Variants in SGMS2 observed in about 807,000 individuals in gnomAD.
SGMS2 encodes phosphatidylcholine:ceramide cholinephosphotransferase 2.
In SGMS2, 21 loss-of-function variants were observed where a neutral mutation model predicts 43.8. The ratio of observed to expected loss-of-function variants is 0.48; its 90% confidence interval spans 0.34 to 0.69. The LOEUF (loss-of-function observed/expected upper bound fraction) is 0.69. Among genes scored for constraint, SGMS2 ranks in the 30% least tolerant of loss-of-function variants. The pLI is 0.01. For synonymous variants in SGMS2, 167 were observed against 160.6 expected, an observed-to-expected ratio of 1.04 and a Z score of -0.30; for missense variants, 384 against 443.2, an observed-to-expected ratio of 0.87 and a Z score of 1.20.
rs781752544 is a variant in SGMS2, at chr4:107,908,631, G to T, written c.794G>T (p.Cys265Phe). 6.2e-7 allele frequency: 1 copy of T among 1,614,030 alleles called. No individual in the cohort carries two copies. The highest frequency in any genetic ancestry group is 8.5e-7 in the Non-Finnish European group (1 of 1,179,962). ...CTGCTGAGTGCTGCCGGGATCATCT[G>T]CATTCTTGTAGCACACGAACACTAC... ...CWLLSAAGII[C>F]ILVAHEHYTI... The change falls in exon 6 of 7, where the codon TGC (cysteine) becomes TTC (phenylalanine). Residue 265 changes from cysteine (C) to phenylalanine (F), a missense_variant. Transcript: ENST00000690982.
At position 107,854,720 on chromosome 4, in the gene SGMS2, G is replaced by A. The variant is rs114445344; in HGVS notation, c.-326-3752G>A. 3.8e-3 allele frequency among the ~76,000 whole-genome samples: 577 copies of A among 152,234 alleles called. 6 individuals are homozygous for A. The highest frequency in any genetic ancestry group is 0.013 in the African/African-American group (538 of 41,546). ...GAGATTTCTGGTGCAGTTGTGAGCC[G>A]ATCATCAGAGCTGTATATTTGTATC... On this transcript the variant is annotated intron_variant, in intron 1 of 6. Coordinates refer to ENST00000690982, the MANE Select transcript of SGMS2 (RefSeq NM_001375905.1).
rs74871514 is a variant in SGMS2 at position 107,881,932 on chromosome 4, A to G, written c.-244-13378A>G. Among the ~76,000 whole-genome samples the G allele has an allele frequency of 3.6e-4, 55 of 152,256 alleles. No homozygotes were observed. The East Asian group carries it at 7.5e-3, about 21-fold the overall frequency. ...GTTTTCCAGTTCCATCCATATTGCA[A>G]ATGATGACATCCTATTCTTTTTTAT... On this transcript the variant is annotated intron_variant, in intron 2 of 6. Transcript: ENST00000690982.
At chr4:107,831,623 G>A (rs1725895369) in intron 1 of SGMS2, among the ~76,000 whole-genome samples, 1 of 152,180 alleles carries the variant, frequency 6.6e-6, no homozygotes, top group African/African-American at 2.4e-5. Context: ...GTCCCGTTGT[G>A]TCAAATGGAA....
At chr4:107,862,588 A>G (rs1727803368) in intron 2 of SGMS2, among the ~76,000 whole-genome samples, 1 of 152,156 alleles carries the variant, frequency 6.6e-6, no homozygotes, top group Non-Finnish European at 1.5e-5. Flanking sequence ...TATTTCAGCT[A>G]CAAAGGACCT....
At chr4:107,824,717 G>C (rs1233507248), upstream of SGMS2, 1 of 152,186 alleles carries the variant, frequency 6.6e-6, no homozygotes, top group African/African-American at 2.4e-5. Flanking sequence ...AAGAAGTCGC[G>C]CAGGTTTTTC....
At chr4:107,853,950 C>T (rs529861977) in intron 1 of SGMS2, among the ~76,000 whole-genome samples, 1 of 152,312 alleles carries the variant, frequency 6.6e-6, no homozygotes, top group Admixed American at 6.5e-5. Context: ...TGCTCTCCTT[C>T]CTTGCAGAAT....
chr4:107,912,681 T>C lies in SGMS2; in HGVS notation c.*2128T>C, dbSNP rs1732199925. On this transcript the variant is annotated 3_prime_UTR_variant, in exon 7 of 7. Coordinates refer to ENST00000690982, the MANE Select transcript of SGMS2 (RefSeq NM_001375905.1). ...TTCATCTATTGAATAAGAAAAAGTG[T>C]TTAAACTTAATAAAATAAAAAATTG... 6.6e-6 allele frequency: 1 copy of C among 152,120 alleles called. No individual in the cohort carries two copies. The highest frequency in any genetic ancestry group is 2.4e-5 in the African/African-American group (1 of 41,420). The allele number at this position is 152,120 out of a possible 1,614,324, so 9.4% of individuals were successfully genotyped here. A position where few individuals can be genotyped will look rare whatever the true frequency, so the allele number is the denominator to read the frequency against.
At chr4:107,848,838 C>G (rs1248600072) in intron 1 of SGMS2, among the ~76,000 whole-genome samples, 2 of 152,070 alleles carry the variant, frequency 1.3e-5, no homozygotes, top group African/African-American at 2.4e-5. Context: ...ATACTTTCTC[C>G]TAGTCAATGA....
intron 2 of SGMS2, among the ~76,000 whole-genome samples, chr4:107,875,642 C>A (rs760266731): frequency 8.5e-5 from 13 of 152,124 alleles, no homozygotes; most frequent in Non-Finnish European, 1.3e-4. Flanking sequence ...AAGCCTGCAT[C>A]TGTACCCCTG....
intron 1 of SGMS2, among the ~76,000 whole-genome samples, chr4:107,858,251 A>G (rs1727537190): frequency 6.6e-6 from 1 of 152,116 alleles, no homozygotes; most frequent in African/African-American, 2.4e-5. Context: ...CAGGTGTTAA[A>G]TATTAGTGGA....
At position 107,912,697 on chromosome 4, in the gene SGMS2, TAAA is replaced by T. The variant is rs1405996394; in HGVS notation, c.*2148_*2150del. 6.6e-6 allele frequency: 1 copy of T among 152,132 alleles called. No individual in the cohort carries two copies. The highest frequency in any genetic ancestry group is 1.5e-5 in the Non-Finnish European group (1 of 68,020). 9.4% of individuals were successfully genotyped at this position (152,132 alleles called of 1,614,324 possible). A position where few individuals can be genotyped will look rare whatever the true frequency, so the allele number is the denominator to read the frequency against. On this transcript the variant is annotated 3_prime_UTR_variant, in exon 7 of 7. Transcript: ENST00000690982. Reference sequence around the variant, plus strand: ...GAAAAAGTGTTTAAACTTAATAAAATAAAAAATTGTGCACCAATTACTACAGAT... The same window carrying T: ...GAAAAAGTGTTTAAACTTAATAAAATAAATTGTGCACCAATTACTACAGAT...
At chr4:107,903,086 GC>G (rs976265692) in intron 4 of SGMS2, 146 bp from the exon 5 acceptor site, 5 of 722,402 alleles carry the variant, frequency 6.9e-6, no homozygotes, top group Admixed American at 2.4e-5. Flanking sequence ...AGTTTGAGGA[GC>G]TTCTCCTTGG....
chr4:107,894,745 A>G (rs1019496260), intron 2 of SGMS2, among the ~76,000 whole-genome samples: 1 of 152,206 alleles, frequency 6.6e-6, no homozygotes, highest in Non-Finnish European at 1.5e-5. Context: ...AGGCTGTGCC[A>G]TTTTAAAAAT....
chr4:107,906,363 T>C (rs1731573216), intron 5 of SGMS2, among the ~76,000 whole-genome samples: 1 of 152,024 alleles, frequency 6.6e-6, no homozygotes. Context: ...AATATTATAA[T>C]TGGGGGGTAG....
intron 1 of SGMS2, among the ~76,000 whole-genome samples, chr4:107,845,543 C>T (rs1419931885): frequency 6.6e-6 from 1 of 152,126 alleles, no homozygotes; most frequent in Non-Finnish European, 1.5e-5. Context: ...ATAGCTGTCT[C>T]CCCTTGAGAA....
intron 1 of SGMS2, among the ~76,000 whole-genome samples, chr4:107,846,252 AC>A (rs544604133): frequency 0.058 from 3,614 of 62,490 alleles, 245 homozygotes; most frequent in African/African-American, 0.19. Context: ...CCTAATGCTA[AC>A]CCTCCCCCCT....
At chr4:107,900,642 C>T (rs1731045057) in intron 4 of SGMS2, among the ~76,000 whole-genome samples, 1 of 152,076 alleles carries the variant, frequency 6.6e-6, no homozygotes, top group South Asian at 2.1e-4. Flanking sequence ...AGCTGTTAAT[C>T]ATCTCGGACT....
At chr4:107,890,953 G>GA (rs34455885) in intron 2 of SGMS2, among the ~76,000 whole-genome samples, 1 of 151,728 alleles carries the variant, frequency 6.6e-6, no homozygotes, top group African/African-American at 2.4e-5. Context: ...GTCATGGTGG[G>GA]AAAAAAAAGG....
At chr4:107,849,632 A>G (rs1428344813) in intron 1 of SGMS2, among the ~76,000 whole-genome samples, 3 of 152,050 alleles carry the variant, frequency 2.0e-5, no homozygotes, top group African/African-American at 7.3e-5. Context: ...CCACAGAATT[A>G]AAGTGACTTT....
Sources: allele counts gnomAD v4.1 joint callset (sites outside exome capture counted in the v4.1 genomes callset), GRCh38; gene constraint gnomAD v4.1.1; transcripts MANE v1.5; gene names NCBI Gene and HGNC (gene_info 2026-07-23, HGNC 2026-07-21).